The following DIPK2B variants were observed in gnomAD, a reference collection of about 807,000 sequenced individuals.
The protein encoded by DIPK2B is divergent protein kinase domain 2B.
DIPK2B carries 15 observed loss-of-function variants against 22.2 expected under a neutral mutation model. The observed-to-expected ratio is 0.68, with a 90% CI of 0.45 to 1.04. The LOEUF is 1.04. DIPK2B is among the 50% of genes least tolerant of loss of function. The probability of loss-of-function intolerance (pLI) is 0.00; values close to 1 mark genes in which losing one functional copy is unlikely to be tolerated. For synonymous variants in DIPK2B, 163 were observed against 153.2 expected (o/e 1.06, Z -0.47); for missense variants, 345 against 348.3 (o/e 0.99, Z 0.08).
chrX:45,150,537 T>G lies in DIPK2B; in HGVS notation c.*1115A>C, dbSNP rs1047493358. 2.7e-5 allele frequency: 3 copies of G among 111,320 alleles called. No individual in the cohort carries two copies. Among genetic ancestry groups the G allele is most frequent in the Non-Finnish European group, 3.8e-5 (2 of 53,133 alleles). 9.2% of individuals were successfully genotyped at this position (111,320 alleles called of 1,213,427 possible). A position where few individuals can be genotyped will look rare whatever the true frequency, so the allele number is the denominator to read the frequency against. On this transcript the variant is annotated 3_prime_UTR_variant, in exon 5 of 5. Transcript: ENST00000398000. ...GCTGGTCCAGGGCCTCAGCTGTGGCTACAACAAGAATGTTCTCCCACTCAA... is the reference window on the plus strand; with the variant it reads ...GCTGGTCCAGGGCCTCAGCTGTGGCGACAACAAGAATGTTCTCCCACTCAA...
chrX:45,184,886 G>A (rs1238552452), intron 2 of DIPK2B, among the ~76,000 whole-genome samples: 2 of 111,475 alleles, frequency 1.8e-5, no homozygotes, highest in Admixed American at 9.5e-5. Context: ...TCAATTATTT[G>A]CTCTGTGGCT....
At chrX:45,184,310 G>T (rs950634130) in intron 2 of DIPK2B, among the ~76,000 whole-genome samples, 1 of 111,827 alleles carries the variant, frequency 8.9e-6, no homozygotes, top group African/African-American at 3.3e-5. Context: ...TCTGTCCAAA[G>T]AAGGCATAAG....
Position 45,191,857 on chromosome X carries a change from G to A in DIPK2B, c.392C>T (p.Ala131Val). The A allele has an allele frequency of 8.3e-7, 1 of 1,211,941 alleles. No homozygotes were observed. Among genetic ancestry groups the A allele is most frequent in the Non-Finnish European group, 1.1e-6 (1 of 895,457 alleles). ...GCAGGTCTTTGGGGCTGATGCAGAGGCACAGATTCTCCTGTCTGAGATCTC... is the reference window on the plus strand; with the variant it reads ...GCAGGTCTTTGGGGCTGATGCAGAGACACAGATTCTCCTGTCTGAGATCTC... The part of the protein sequence containing the change: ...QNEISDRRIC[A>V]SASAPKTCSI... The change falls in exon 2 of 5, where the codon GCC becomes GTC. Residue 131 changes from alanine (A) to valine (V), a missense_variant. Ala to Val is a moderately conservative substitution (Grantham distance 64, BLOSUM62 0). Transcript: ENST00000398000.
Position 45,151,501 on chromosome X carries a change from A to G in DIPK2B, c.*151T>C. 1 of 573,775 alleles carries G rather than the reference A, an allele frequency of 1.7e-6. No individual in the cohort carries two copies. The highest frequency in any genetic ancestry group is 2.7e-6 in the Non-Finnish European group (1 of 370,045). 47.3% of individuals were successfully genotyped at this position (573,775 alleles called of 1,213,427 possible). On this transcript the variant is annotated 3_prime_UTR_variant, in exon 5 of 5. Coordinates refer to ENST00000398000, the MANE Select transcript of DIPK2B (RefSeq NM_176819.4). The stretch of plus-strand genomic sequence containing the variant: ...CAGCCAGCAGAGACAGCCACGTGGT[A>G]TCTCACAACTCCCCTCTCAGTCCCT...
At chrX:45,169,725 G>A (rs1466859102) in intron 2 of DIPK2B, among the ~76,000 whole-genome samples, 1 of 112,177 alleles carries the variant, frequency 8.9e-6, no homozygotes, top group Admixed American at 9.4e-5. Flanking sequence ...AACACAAAAG[G>A]TAGTGTGGAG....
At chrX:45,181,950 A>T (rs147679882) in intron 2 of DIPK2B, among the ~76,000 whole-genome samples, 4,237 of 110,345 alleles carry the variant, frequency 0.038, 90 homozygotes, top group Non-Finnish European at 0.06. Flanking sequence ...CACGGTGTAC[A>T]CCTGTAGTCC....
intron 1 of DIPK2B, among the ~76,000 whole-genome samples, chrX:45,198,644 G>A (rs1037169523): frequency 8.1e-5 from 9 of 111,543 alleles, no homozygotes; most frequent in Admixed American, 7.6e-4. Flanking sequence ...TTGCCCTTTG[G>A]TGAATATGCA....
intron 2 of DIPK2B, among the ~76,000 whole-genome samples, chrX:45,170,313 C>T (rs2047074039): frequency 2.7e-5 from 3 of 110,697 alleles, no homozygotes; most frequent in Non-Finnish European, 3.8e-5. Flanking sequence ...CCCATGGCCT[C>T]CAGCACTGTG....
intron 1 of DIPK2B, among the ~76,000 whole-genome samples, chrX:45,199,070 T>G (rs931460647): frequency 5.4e-5 from 6 of 111,885 alleles, no homozygotes; most frequent in Non-Finnish European, 7.5e-5. Context: ...GCAGTAGAGA[T>G]TCCTCAATCA....
chrX:45,177,483 G>A (rs1256904023), intron 2 of DIPK2B, among the ~76,000 whole-genome samples: 1 of 108,551 alleles, frequency 9.2e-6, no homozygotes, highest in African/African-American at 3.4e-5. Context: ...AAAAGAGCCT[G>A]CCACCTCCTC....
At chrX:45,177,494 C>CCTCCCTCTCTCTTGCTCCCTCTCT (rs1198873754) in intron 2 of DIPK2B, among the ~76,000 whole-genome samples, 1 of 108,708 alleles carries the variant, frequency 9.2e-6, no homozygotes, top group African/African-American at 3.4e-5. Context: ...CCACCTCCTC[C>CCTCCCTCTCTCTTGCTCCCTCTCT]CTCCCTCTCT....
At chrX:45,180,777 G>A (rs2047146191) in intron 2 of DIPK2B, among the ~76,000 whole-genome samples, 1 of 111,426 alleles carries the variant, frequency 9.0e-6, no homozygotes, top group African/African-American at 3.3e-5. Context: ...TATATACTAT[G>A]TTTTTTTCCT....
chrX:45,177,831 A>T lies in DIPK2B; in HGVS notation c.498+13920T>A, dbSNP rs141501323. ...GAAACTGTATAGAGTTGGCTCTATC[A>T]GGAGTTAGAACAGGTATGGATCAAG... On this transcript the variant is annotated intron_variant, in intron 2 of 4. Transcript: ENST00000398000. 5.1e-3 allele frequency among the ~76,000 whole-genome samples: 572 copies of T among 111,620 alleles called. 1 individual carries two copies. The highest frequency in any genetic ancestry group is 0.018 in the African/African-American group (540 of 30,753).
chrX:45,196,325 A>G (rs1458112346), intron 1 of DIPK2B, among the ~76,000 whole-genome samples: 1 of 111,408 alleles, frequency 9.0e-6, no homozygotes, highest in Non-Finnish European at 1.9e-5. Context: ...GGATTCATAT[A>G]AGGCTGACTG....
At chrX:45,155,431 AAT>A (rs1556395211) in intron 3 of DIPK2B, among the ~76,000 whole-genome samples, 1,182 of 96,359 alleles carry the variant, frequency 0.012, 24 homozygotes, top group South Asian at 0.049. Context: ...TCAAAAAAAA[AAT>A]ATATATATAT....
intron 2 of DIPK2B, among the ~76,000 whole-genome samples, chrX:45,184,450 C>T (rs2047170395): frequency 8.9e-6 from 1 of 111,873 alleles, no homozygotes; most frequent in Admixed American, 9.5e-5. Flanking sequence ...GAATCTATGA[C>T]ATATGTGTAA....
Position 45,148,843 on chromosome X carries a change from G to A in DIPK2B, c.*2809C>T, listed in dbSNP as rs2046946210. 9.0e-6 allele frequency: 1 copy of A among 111,513 alleles called. No individual in the cohort carries two copies. Among genetic ancestry groups the A allele is most frequent in the Non-Finnish European group, 1.9e-5 (1 of 53,155 alleles). The allele number at this position is 111,513 out of a possible 1,213,427, so 9.2% of individuals were successfully genotyped here. ...ACCAATCTCCCTACAGCTCCTCGGG[G>A]GACAGCTCGCCGGTTTTCTCATTTG... On this transcript the variant is annotated 3_prime_UTR_variant, in exon 5 of 5. Coordinates refer to ENST00000398000, the MANE Select transcript of DIPK2B (RefSeq NM_176819.4).
At chrX:45,200,159 A>G (rs2047259597) in intron 1 of DIPK2B, among the ~76,000 whole-genome samples, 1 of 111,683 alleles carries the variant, frequency 9.0e-6, no homozygotes, top group Admixed American at 9.5e-5. Flanking sequence ...AGAGTTACCC[A>G]TTTCCCCCCA....
intron 1 of DIPK2B, 52 bp from the exon 2 acceptor site, chrX:45,192,067 GA>G: frequency 9.0e-7 from 1 of 1,115,914 alleles, no homozygotes. Context: ...GAGGCTCACA[GA>G]GCCCAGGGAC....
Sources: gnomAD v4.1 joint callset for allele counts (sites outside exome capture counted in the v4.1 genomes callset) on GRCh38, gnomAD v4.1.1 for gene constraint, MANE v1.5 for transcripts, NCBI Gene and HGNC (gene_info 2026-07-23, HGNC 2026-07-21) for gene names.